WDR47: variants seen among roughly 807,000 people sequenced by gnomAD.
WDR47 encodes WD repeat domain 47.
A neutral mutation model predicts 97.2 loss-of-function variants in WDR47; 32 were observed. The observed-to-expected ratio is 0.33, with a 90% confidence interval of 0.25 to 0.44. WDR47 has a LOEUF of 0.44. WDR47 is among the 20% of genes least tolerant of loss of function. The pLI is 1.00. For missense variants in WDR47, 782 were observed against 1,102.3 expected (o/e 0.71, Z 4.11); for synonymous variants, 375 against 373.5 (o/e 1.00, Z -0.05).
chr1:109,029,807 T>C (rs971165419), intron 1 of WDR47, among the ~76,000 whole-genome samples: 2 of 149,044 alleles, frequency 1.3e-5, no homozygotes, highest in African/African-American at 4.9e-5. Flanking sequence ...GCCCAGGAGG[T>C]GGAGGCTGCA....
rs952826366 is a variant in WDR47 at position 108,971,288 on chromosome 1, A to G, written c.*142T>C. ...GGAATAACACCACCCAACACCTCCT[A>G]TCAGTGGGATACATGGTAATAAGGG... On this transcript the variant is annotated 3_prime_UTR_variant, in exon 15 of 15. Coordinates refer to ENST00000369962, the MANE Select transcript of WDR47 (RefSeq NM_001142551.2). 8 of 1,135,440 alleles carry G rather than the reference A, an allele frequency of 7.0e-6. No homozygotes were observed. The highest frequency in any genetic ancestry group is 1.6e-5 in the South Asian group (1 of 64,044). 70.3% of individuals were successfully genotyped at this position (1,135,440 alleles called of 1,614,324 possible).
intron 5 of WDR47, among the ~76,000 whole-genome samples, chr1:109,007,547 G>A (rs1292725907): frequency 2.0e-5 from 3 of 152,166 alleles, no homozygotes; most frequent in Non-Finnish European, 4.4e-5. Context: ...CCACAGGACA[G>A]TAACTCTCTC....
intron 10 of WDR47, among the ~76,000 whole-genome samples, chr1:108,984,170 G>A (rs765066551): frequency 6.6e-5 from 10 of 152,184 alleles, no homozygotes; most frequent in Non-Finnish European, 1.3e-4. Flanking sequence ...AGGCACTGCA[G>A]GCTCAGCTGT....
At chr1:108,982,816 G>A (rs750659252) in intron 11 of WDR47, 37 bp from the exon 12 acceptor site, 2 of 1,535,950 alleles carry the variant, frequency 1.3e-6, no homozygotes, top group Middle Eastern at 1.7e-4. Flanking sequence ...AAAAAATGCT[G>A]CTCAACTTAC....
Position 108,971,635 on chromosome 1 carries a change from C to G in WDR47, c.2618-63G>C. 4 of 1,562,416 alleles carry G rather than the reference C, an allele frequency of 2.6e-6. No homozygotes were observed. In the South Asian group the frequency reaches 4.6e-5, roughly 18 times the overall value. The stretch of plus-strand genomic sequence containing the variant: ...TAAGTATATGTATAGATTGTATAGA[C>G]TTCCTGTTACTTTAAGACATTACAG... On this transcript the variant is annotated intron_variant, in intron 14 of 14. Coordinates refer to ENST00000369962, the MANE Select transcript of WDR47 (RefSeq NM_001142551.2).
At position 109,012,365 on chromosome 1, in the gene WDR47, G is replaced by T. The variant is rs1661092507; in HGVS notation, c.328-647C>A. Among the ~76,000 whole-genome samples the T allele has an allele frequency of 1.3e-5, 2 of 151,702 alleles. 1 individual carries two copies. The highest frequency in any genetic ancestry group is 4.2e-4 in the South Asian group (2 of 4,812). ...GTAGGCCAAGGTGGGCAGATCATGA[G>T]GTTCGAGACCAGCCTGGCCAACACA... On this transcript the variant is annotated intron_variant, in intron 4 of 14. Coordinates refer to ENST00000369962, the MANE Select transcript of WDR47 (RefSeq NM_001142551.2).
chr1:108,978,208 G>T (rs1412789858), intron 13 of WDR47, among the ~76,000 whole-genome samples: 4 of 151,072 alleles, frequency 2.6e-5, no homozygotes. Flanking sequence ...AGGCACGGTG[G>T]CTCACGCCTG....
Position 109,010,933 on chromosome 1 carries a change from G to A in WDR47, c.1113C>T (p.Tyr371=), listed in dbSNP as rs759031087. ...ATGCTTACCGCTCAGGGGATTCTTC[G>A]TAAATACTGTGACATTCTGTATTCT... is the stretch of plus-strand genomic sequence containing the variant. The part of the protein sequence containing the change: ...MLENTECHSI[Y]EESPERDTPV... Residue 371 remains tyrosine, a synonymous_variant, in exon 5 of 15, where the codon TAC becomes TAT. Coordinates refer to ENST00000369962, the MANE Select transcript of WDR47 (RefSeq NM_001142551.2). 3.2e-5 allele frequency: 52 copies of A among 1,611,820 alleles called. No individual in the cohort carries two copies. Among genetic ancestry groups the A allele is most frequent in the Non-Finnish European group, 4.1e-5 (48 of 1,178,590 alleles).
chr1:109,009,320 T>G (rs1195944438), intron 5 of WDR47, among the ~76,000 whole-genome samples: 1 of 152,210 alleles, frequency 6.6e-6, no homozygotes, highest in Non-Finnish European at 1.5e-5. Flanking sequence ...GGCAGAAAGT[T>G]TCCTAACCCT....
intron 8 of WDR47, chr1:108,992,906 A>C: frequency 6.5e-6 from 7 of 1,075,938 alleles, no homozygotes; most frequent in African/African-American, 1.6e-5. Context: ...GAGGTGAGGA[A>C]ATTGCTAAAT....
intron 6 of WDR47, 51 bp from the exon 7 acceptor site, chr1:109,002,453 T>C (rs1660288325): frequency 1.5e-6 from 2 of 1,374,432 alleles, no homozygotes; most frequent in Non-Finnish European, 1.9e-6. Flanking sequence ...TATGACAGAA[T>C]ATATCTTAAC....
At chr1:109,005,065 T>A (rs1322088096) in intron 5 of WDR47, among the ~76,000 whole-genome samples, 1 of 152,016 alleles carries the variant, frequency 6.6e-6, no homozygotes, top group Non-Finnish European at 1.5e-5. Context: ...GTGCTGGGAT[T>A]ACAGGCATGA....
rs183962769 is a variant in WDR47 at position 109,020,487 on chromosome 1, C to T, written c.158+2868G>A. ...CCGCATTAGCCAGGATGGTCTCGAT[C>T]TCCTGACCTCGTGATCCACCCACCT... On this transcript the variant is annotated intron_variant, in intron 2 of 14. Transcript: ENST00000369962. Among the ~76,000 whole-genome samples, 348 of 152,224 alleles carry T rather than the reference C, an allele frequency of 2.3e-3. 2 individuals are homozygous for T. Among genetic ancestry groups the T allele is most frequent in the South Asian group, 0.013 (61 of 4,830 alleles).
At chr1:109,015,229 G>A (rs1207750875) in intron 3 of WDR47, among the ~76,000 whole-genome samples, 1 of 152,178 alleles carries the variant, frequency 6.6e-6, no homozygotes, top group Non-Finnish European at 1.5e-5. Flanking sequence ...TTCTGATAGT[G>A]ATAGAGTAAC....
At chr1:108,983,527 T>C in intron 10 of WDR47, 76 bp from the exon 11 acceptor site, 3 of 1,246,860 alleles carry the variant, frequency 2.4e-6, no homozygotes, top group Non-Finnish European at 2.1e-6. Flanking sequence ...ATATTATACT[T>C]GTTCTTGAAG....
intron 6 of WDR47, among the ~76,000 whole-genome samples, chr1:109,002,907 C>T (rs1660323807): frequency 6.6e-6 from 1 of 152,052 alleles, no homozygotes; most frequent in Admixed American, 6.6e-5. Flanking sequence ...AGTACAGTCT[C>T]TATGGAAAAA....
At chr1:109,012,578 A>AAAAAAAAAAAAAAAAAC (rs1447182007) in intron 4 of WDR47, among the ~76,000 whole-genome samples, 1 of 151,012 alleles carries the variant, frequency 6.6e-6, no homozygotes, top group African/African-American at 2.4e-5. Flanking sequence ...ATCTCAAAAA[A>AAAAAAAAAAAAAAAAAC]AAAAAAAAAA....
intron 13 of WDR47, among the ~76,000 whole-genome samples, chr1:108,978,493 CAAA>C (rs201610690): frequency 1.6e-4 from 15 of 92,718 alleles, no homozygotes; most frequent in Admixed American, 1.0e-4. Flanking sequence ...GTCTCAAAAG[CAAA>C]AAAAAAAAAA....
intron 14 of WDR47, among the ~76,000 whole-genome samples, chr1:108,974,058 G>A (rs1047248996): frequency 1.3e-5 from 2 of 152,108 alleles, no homozygotes; most frequent in Admixed American, 1.3e-4. Context: ...GCCAGGTGAG[G>A]TGGCATGCAC....
Sources: gnomAD v4.1 joint callset for allele counts (sites outside exome capture counted in the v4.1 genomes callset) on GRCh38, gnomAD v4.1.1 for gene constraint, MANE v1.5 for transcripts, NCBI Gene and HGNC (gene_info 2026-07-23, HGNC 2026-07-21) for gene names.